GALK2: variants seen among roughly 807,000 people sequenced by gnomAD.
The protein encoded by GALK2 is N-acetylgalactosamine kinase.
In GALK2, 36 loss-of-function variants were observed where a neutral mutation model predicts 52.4. The observed-to-expected ratio is 0.69, with a 90% CI of 0.53 to 0.91. The LOEUF (loss-of-function observed/expected upper bound fraction) is 0.91. Among genes scored for constraint, GALK2 ranks in the 40% least tolerant of loss-of-function variants. GALK2 has a pLI of 0.00. For missense variants in GALK2, 579 were observed against 559.1 expected (o/e 1.04, Z -0.36); for synonymous variants, 176 against 199.1 (o/e 0.88, Z 0.98).
intron 1 of GALK2, among the ~76,000 whole-genome samples, chr15:49,162,380 T>C (rs1285806635): frequency 6.6e-6 from 1 of 152,238 alleles, no homozygotes; most frequent in Non-Finnish European, 1.5e-5. Flanking sequence ...ATCTTACCCA[T>C]TTATCTGTTG....
chr15:49,198,847 C>CT (rs2087473278), intron 1 of GALK2: 1 of 135,818 alleles, frequency 7.4e-6, no homozygotes, highest in Non-Finnish European at 1.6e-5. Context: ...CTCTCCCTCC[C>CT]TCCCTCCCTC....
intron 8 of GALK2, among the ~76,000 whole-genome samples, chr15:49,299,738 T>TTTTCTTTCTTTCTTTCTTTC (rs2034844329): frequency 1.3e-5 from 1 of 76,412 alleles, no homozygotes; most frequent in Admixed American, 1.3e-4. Flanking sequence ...TTCTTTCTTT[T>TTTTCTTTCTTTCTTTCTTTC]CTTTCTTTCT....
chr15:49,335,530 T>A, downstream of GALK2: 2 of 1,533,906 alleles, frequency 1.3e-6, no homozygotes, highest in Non-Finnish European at 1.8e-6. Context: ...TGATTTTCAA[T>A]TAGGAACATT....
Position 49,329,446 on chromosome 15 carries a change from T to G in GALK2, c.*1287T>G. The G allele has an allele frequency of 5.1e-6, 5 of 984,934 alleles. No individual in the cohort carries two copies. The highest frequency in any genetic ancestry group is 4.8e-6 in the Non-Finnish European group (4 of 829,458). 61.0% of individuals were successfully genotyped at this position (984,934 alleles called of 1,614,324 possible). A position where few individuals can be genotyped will look rare whatever the true frequency, so the allele number is the denominator to read the frequency against. Reference sequence around the variant, plus strand: ...TCAGAATTACTTATTATTCTGTGATTTCATTAGCTCATTAATGTTTAACTC... The same window carrying G: ...TCAGAATTACTTATTATTCTGTGATGTCATTAGCTCATTAATGTTTAACTC... On this transcript the variant is annotated 3_prime_UTR_variant, in exon 10 of 10. Coordinates refer to ENST00000560031, the MANE Select transcript of GALK2 (RefSeq NM_002044.4).
intron 8 of GALK2, among the ~76,000 whole-genome samples, chr15:49,305,122 A>G (rs1038903545): frequency 3.3e-5 from 5 of 152,218 alleles, no homozygotes; most frequent in Admixed American, 6.5e-5. Context: ...TCTAAATTAG[A>G]AATTGTATGC....
downstream of GALK2, among the ~76,000 whole-genome samples, chr15:49,336,237 C>G (rs531564789): frequency 2.6e-5 from 4 of 152,380 alleles, no homozygotes; most frequent in East Asian, 3.9e-4. Context: ...AGGTGGTAAT[C>G]AGAATGTCCA....
At chr15:49,255,733 TG>T (rs1296540883) in intron 5 of GALK2, among the ~76,000 whole-genome samples, 1 of 152,136 alleles carries the variant, frequency 6.6e-6, no homozygotes, top group Non-Finnish European at 1.5e-5. Flanking sequence ...GTGGAGTTTT[TG>T]TTAATAAAAG....
In GALK2 at chr15:49,329,143, T is replaced by C. The variant is rs185562132; in HGVS notation, c.*984T>C. On this transcript the variant is annotated 3_prime_UTR_variant, in exon 10 of 10. Transcript: ENST00000560031. ...AGCTTGTTTGTATATATGCACCCCA[T>C]TGTAAAGCAGGTATGCAGGTATGTG... 4.0e-6 allele frequency: 4 copies of C among 989,010 alleles called. No individual in the cohort carries two copies. The highest frequency in any genetic ancestry group is 5.9e-5 in the Admixed American group (1 of 16,992). 61.3% of individuals were successfully genotyped at this position (989,010 alleles called of 1,614,324 possible).
intron 5 of GALK2, among the ~76,000 whole-genome samples, chr15:49,262,668 C>G (rs956041105): frequency 6.7e-6 from 1 of 149,398 alleles, no homozygotes; most frequent in Admixed American, 6.6e-5. Flanking sequence ...GTTAGGGTGT[C>G]AATTTTGGAT....
chr15:49,271,970 C>T (rs1484192373), intron 5 of GALK2, among the ~76,000 whole-genome samples: 3 of 152,162 alleles, frequency 2.0e-5, no homozygotes, highest in African/African-American at 7.2e-5. Flanking sequence ...ATGTCTGCCT[C>T]CTAGAACTTA....
chr15:49,189,848 G>A (rs74014917), intron 1 of GALK2, among the ~76,000 whole-genome samples: 2,115 of 152,224 alleles, frequency 0.014, 47 homozygotes, highest in African/African-American at 0.049. Flanking sequence ...CTTAGGAGTT[G>A]TTTATTTCTG....
chr15:49,291,150 T>G (rs1293860921), intron 7 of GALK2, among the ~76,000 whole-genome samples: 1 of 150,778 alleles, frequency 6.6e-6, no homozygotes, highest in Non-Finnish European at 1.5e-5. Flanking sequence ...GAGACAAGGT[T>G]TCGCCATTTT....
chr15:49,365,449 T>G, intron 3 of GALK2: 1 of 913,092 alleles, frequency 1.1e-6, no homozygotes, highest in Admixed American at 1.7e-5. Context: ...TACAATAATG[T>G]CTCCAAAGCC....
intron 8 of GALK2, among the ~76,000 whole-genome samples, chr15:49,295,401 A>G (rs2034386569): frequency 6.6e-6 from 1 of 151,994 alleles, no homozygotes; most frequent in African/African-American, 2.4e-5. Context: ...TGTGATAGCA[A>G]GATATCTAAA....
At chr15:49,269,668 C>G (rs2141681793) in intron 5 of GALK2, among the ~76,000 whole-genome samples, 1 of 152,232 alleles carries the variant, frequency 6.6e-6, no homozygotes, top group East Asian at 1.9e-4. Flanking sequence ...CTCTGAACCC[C>G]AGAACTCAGG....
At chr15:49,318,483 T>C (rs2036604798) in intron 8 of GALK2, among the ~76,000 whole-genome samples, 1 of 152,326 alleles carries the variant, frequency 6.6e-6, no homozygotes, top group South Asian at 2.1e-4. Context: ...TTTCACTTAA[T>C]AATGAATAAT....
chr15:49,300,996 T>C (rs2035066681), intron 8 of GALK2, among the ~76,000 whole-genome samples: 1 of 152,200 alleles, frequency 6.6e-6, no homozygotes, highest in Non-Finnish European at 1.5e-5. Context: ...GGATCTTTTG[T>C]AAGGCAGGTC....
chr15:49,230,670 C>A (rs1389383193), intron 3 of GALK2, among the ~76,000 whole-genome samples: 6 of 152,174 alleles, frequency 3.9e-5, no homozygotes, highest in Non-Finnish European at 7.3e-5. Flanking sequence ...CAGACACACA[C>A]AGGTGTCTTA....
chr15:49,336,116 T>C (rs1273027375), downstream of GALK2, among the ~76,000 whole-genome samples: 3 of 152,244 alleles, frequency 2.0e-5, no homozygotes, highest in African/African-American at 7.2e-5. Flanking sequence ...CTTTCATTTT[T>C]ACATATACTG....
Sources: gnomAD v4.1 joint callset for allele counts (sites outside exome capture counted in the v4.1 genomes callset) on GRCh38, gnomAD v4.1.1 for gene constraint, MANE v1.5 for transcripts, NCBI Gene and HGNC (gene_info 2026-07-23, HGNC 2026-07-21) for gene names.